Variants in ITGA1 observed in about 807,000 individuals in gnomAD.
The protein encoded by ITGA1 is integrin alpha-1.
Under a neutral mutation model 145.9 loss-of-function variants are expected in ITGA1, and 85 were observed. That is an observed-to-expected ratio of 0.58 (90% CI 0.49 to 0.70). The LOEUF (loss-of-function observed/expected upper bound fraction) is 0.70. Among genes scored for constraint, ITGA1 ranks in the 30% least tolerant of loss-of-function variants. The probability of loss-of-function intolerance (pLI) is 0.00; values close to 1 mark genes in which losing one functional copy is unlikely to be tolerated. For synonymous variants in ITGA1, 520 were observed against 495.3 expected (o/e 1.05, Z -0.66); for missense variants, 1,351 against 1,418.7 (o/e 0.95, Z 0.77).
intron 1 of ITGA1, chr5:52,800,066 TCG>T: frequency 3.1e-6 from 1 of 319,506 alleles, no homozygotes; most frequent in Non-Finnish European, 5.9e-6. Flanking sequence ...GTGCGTCGGG[TCG>T]CGGGACGGGG....
At position 52,788,315 on chromosome 5, in the gene ITGA1, G is replaced by T; in HGVS notation, c.-39G>T. ...GCTCCCGCGCCCGGTCCTGCCCTGC[G>T]AACCAGCGCGGCCCCCTGGCGCTGA... On this transcript the variant is annotated 5_prime_UTR_variant, in exon 1 of 29. Coordinates refer to ENST00000282588, the MANE Select transcript of ITGA1 (RefSeq NM_181501.2). 1.4e-6 allele frequency: 2 copies of T among 1,477,918 alleles called. No homozygotes were observed. The highest frequency in any genetic ancestry group is 2.6e-5 in the South Asian group (2 of 78,334). 91.6% of individuals were successfully genotyped at this position (1,477,918 alleles called of 1,614,324 possible).
At chr5:52,798,678 T>G (rs1265082225) in intron 1 of ITGA1, among the ~76,000 whole-genome samples, 5 of 152,172 alleles carry the variant, frequency 3.3e-5, no homozygotes. Flanking sequence ...TCTGCATTTT[T>G]ACGTAAGATA....
intron 7 of ITGA1, among the ~76,000 whole-genome samples, chr5:52,886,968 G>C (rs1233773293): frequency 6.6e-6 from 1 of 152,052 alleles, no homozygotes; most frequent in Non-Finnish European, 1.5e-5. Context: ...TAGTAGAGAC[G>C]GGGTTTCACC....
chr5:52,918,885 G>T lies in ITGA1; in HGVS notation c.2142G>T (p.Thr714=). 1 of 1,592,850 alleles carries T rather than the reference G, an allele frequency of 6.3e-7. No homozygotes were observed. The highest frequency in any genetic ancestry group is 8.5e-7 in the Non-Finnish European group (1 of 1,172,902). The change falls in exon 16 of 29, where the codon ACG becomes ACT. Residue 714 remains threonine, a synonymous_variant. Transcript: ENST00000282588. ...TGAAATTAAAGTCTAAAGAAGACAC[G>T]ATTTATGAAGCTGGTAAGCAAAATA... ...FDVKLKSKED[T]IYEADLQYRV...
At chr5:52,891,417 G>T (rs1750146299) in intron 8 of ITGA1, among the ~76,000 whole-genome samples, 1 of 151,348 alleles carries the variant, frequency 6.6e-6, no homozygotes, top group Non-Finnish European at 1.5e-5. Flanking sequence ...CATAATTATT[G>T]CTTGTGATAT....
In ITGA1 at chr5:52,810,935, T is replaced by C. The variant is rs193003239; in HGVS notation, c.61+22521T>C. On this transcript the variant is annotated intron_variant, in intron 1 of 28. Transcript: ENST00000282588. Reference sequence around the variant, plus strand: ...TGGTTCATTGTAAATTTAAAATTCTTAGATATGTATTTCATACAGATTCAC... The same window carrying C: ...TGGTTCATTGTAAATTTAAAATTCTCAGATATGTATTTCATACAGATTCAC... 4.3e-3 allele frequency among the ~76,000 whole-genome samples: 649 copies of C among 152,268 alleles called. 5 individuals carry two copies. The highest frequency in any genetic ancestry group is 3.5e-3 in the Non-Finnish European group (237 of 68,008).
chr5:52,905,772 T>C lies in ITGA1; in HGVS notation c.1319T>C (p.Val440Ala). 1 of 1,613,208 alleles carries C rather than the reference T, an allele frequency of 6.2e-7. No homozygotes were observed. The highest frequency in any genetic ancestry group is 8.5e-7 in the Non-Finnish European group (1 of 1,179,486). ...EPLASYLGYT[V>A]NSATASSGDV... ...ATCTTTCTTTTGTTAGGTTACACTGTAAACTCTGCTACTGCTTCTTCTGGA... is the reference window on the plus strand; with the variant it reads ...ATCTTTCTTTTGTTAGGTTACACTGCAAACTCTGCTACTGCTTCTTCTGGA... The change falls in exon 12 of 29, where the codon GTA becomes GCA. Residue 440 changes from valine (V) to alanine (A), a missense_variant. Physicochemically the swap from Val to Ala is moderately conservative, Grantham distance 64. Coordinates refer to ENST00000282588, the MANE Select transcript of ITGA1 (RefSeq NM_181501.2).
At chr5:52,911,599 T>TATACTATATATATAGTGTATCTACTATAC (rs1750537511) in intron 14 of ITGA1, among the ~76,000 whole-genome samples, 1 of 63,824 alleles carries the variant, frequency 1.6e-5, no homozygotes, top group African/African-American at 5.4e-5. Flanking sequence ...ATCTACTATA[T>TATACTATATATATAGTGTATCTACTATAC]ATACTATATA....
chr5:52,827,154 G>A (rs1359007782), intron 1 of ITGA1, among the ~76,000 whole-genome samples: 1 of 147,538 alleles, frequency 6.8e-6, no homozygotes, highest in Admixed American at 6.8e-5. Context: ...CAGGAGTTTA[G>A]TAGAAACTGA....
At chr5:52,860,668 G>T (rs550985434) in intron 2 of ITGA1, among the ~76,000 whole-genome samples, 7 of 152,324 alleles carry the variant, frequency 4.6e-5, no homozygotes, top group Non-Finnish European at 7.3e-5. Context: ...TTTTGGATAT[G>T]GCTACTCAGC....
At chr5:52,910,934 G>C (rs1020621244) in intron 14 of ITGA1, among the ~76,000 whole-genome samples, 1 of 134,500 alleles carries the variant, frequency 7.4e-6, no homozygotes, top group South Asian at 2.3e-4. Context: ...AGTATATATG[G>C]TATGTATACT....
chr5:52,898,183 G>C, intron 10 of ITGA1, 56 bp from the exon 11 acceptor site: 1 of 1,187,082 alleles, frequency 8.4e-7, no homozygotes. Context: ...TGGTGTTTAA[G>C]TATTTCCCCT....
At chr5:52,936,826 A>G (rs763505263) in intron 23 of ITGA1, among the ~76,000 whole-genome samples, 64 of 152,158 alleles carry the variant, frequency 4.2e-4, no homozygotes, top group Non-Finnish European at 8.1e-4. Context: ...ATAAAACCAG[A>G]TTATCAACAG....
chr5:52,911,472 A>ATAGATACACTATATATAGTATATATAG (rs1400762765), intron 14 of ITGA1, among the ~76,000 whole-genome samples: 54 of 129,604 alleles, frequency 4.2e-4, no homozygotes, highest in Middle Eastern at 0.012. Context: ...TATCTAGTAT[A>ATAGATACACTATATATAGTATATATAG]TAGATACACT....
At chr5:52,852,154 G>T (rs1749440468) in intron 2 of ITGA1, among the ~76,000 whole-genome samples, 1 of 152,168 alleles carries the variant, frequency 6.6e-6, no homozygotes, top group South Asian at 2.1e-4. Flanking sequence ...GAGAATAAGT[G>T]AGGTGAGTGT....
intron 8 of ITGA1, among the ~76,000 whole-genome samples, chr5:52,892,561 G>A (rs1386597037): frequency 1.3e-5 from 2 of 152,136 alleles, no homozygotes; most frequent in African/African-American, 4.8e-5. Context: ...AATATTTACA[G>A]CAGCATTATT....
chr5:52,855,344 G>GA (rs951415914), intron 2 of ITGA1, among the ~76,000 whole-genome samples: 19 of 149,660 alleles, frequency 1.3e-4, no homozygotes, highest in African/African-American at 3.4e-4. Context: ...CTCTAAAATG[G>GA]AAAAAAAAAG....
intron 1 of ITGA1, among the ~76,000 whole-genome samples, chr5:52,792,963 T>G (rs920495936): frequency 2.6e-5 from 4 of 152,172 alleles, no homozygotes; most frequent in Non-Finnish European, 5.9e-5. Flanking sequence ...TCTTCAAGAT[T>G]ATTGAGCTTC....
At chr5:52,800,567 G>T (rs773751186) in intron 1 of ITGA1, 1 of 1,613,612 alleles carries the variant, frequency 6.2e-7, no homozygotes, top group South Asian at 1.1e-5. Flanking sequence ...AGCGTGGGCA[G>T]CAACCGGGTC....
Sources: allele counts gnomAD v4.1 joint callset (sites outside exome capture counted in the v4.1 genomes callset), GRCh38; gene constraint gnomAD v4.1.1; transcripts MANE v1.5; gene names NCBI Gene and HGNC (gene_info 2026-07-23, HGNC 2026-07-21).